Variants in ABHD17C observed in about 807,000 individuals in gnomAD.
ABHD17C encodes the protein alpha/beta hydrolase domain-containing protein 17C.
Under a neutral mutation model 27.9 loss-of-function variants are expected in ABHD17C, and 11 were observed. That is an observed-to-expected ratio of 0.39 (90% CI 0.25 to 0.65). The LOEUF (loss-of-function observed/expected upper bound fraction) is 0.65. Ranked by LOEUF, ABHD17C falls within the 30% of genes least tolerant of loss-of-function variation. ABHD17C has a pLI of 0.45. For synonymous variants in ABHD17C, 233 were observed against 209.1 expected (o/e 1.11, Z -0.98); for missense variants, 280 against 470.2 (o/e 0.60, Z 3.74).
chr15:80,716,188 T>C (rs1211455941), intron 1 of ABHD17C, among the ~76,000 whole-genome samples: 1 of 152,214 alleles, frequency 6.6e-6, no homozygotes, highest in Admixed American at 6.5e-5. Flanking sequence ...TTCTTTTATC[T>C]TCCAAGAGCA....
intron 1 of ABHD17C, among the ~76,000 whole-genome samples, chr15:80,697,312 A>T (rs780245776): frequency 3.3e-5 from 5 of 152,236 alleles, no homozygotes; most frequent in Non-Finnish European, 7.3e-5. Context: ...ATTGGGTCAG[A>T]GTCTGTAAGT....
chr15:80,721,603 A>G (rs896033740), intron 1 of ABHD17C, among the ~76,000 whole-genome samples: 24 of 152,234 alleles, frequency 1.6e-4, no homozygotes, highest in African/African-American at 5.5e-4. Flanking sequence ...CGTCATTGTC[A>G]TCGTCATCAC....
chr15:80,730,108 CA>C (rs34002725), intron 1 of ABHD17C, among the ~76,000 whole-genome samples: 32,848 of 144,758 alleles, frequency 0.23, 4,034 homozygotes, highest in South Asian at 0.32. Flanking sequence ...GACTCCATCT[CA>C]AAAAAAAAAA....
intron 1 of ABHD17C, among the ~76,000 whole-genome samples, chr15:80,723,086 C>A (rs2627308): frequency 0.33 from 50,215 of 151,648 alleles, 10,220 homozygotes; most frequent in Non-Finnish European, 0.47. Context: ...GGAACCAGTC[C>A]CCCAAGGATA....
At chr15:80,717,227 G>C (rs1388102378) in intron 1 of ABHD17C, among the ~76,000 whole-genome samples, 2 of 144,234 alleles carry the variant, frequency 1.4e-5, no homozygotes, top group Non-Finnish European at 3.0e-5. Context: ...CACTCTATCA[G>C]CCAGAGGCCA....
intron 1 of ABHD17C, among the ~76,000 whole-genome samples, chr15:80,710,593 G>A (rs1484611149): frequency 6.6e-6 from 1 of 152,192 alleles, no homozygotes; most frequent in Non-Finnish European, 1.5e-5. Flanking sequence ...GATTTTGGAT[G>A]TATTTGAAAG....
At chr15:80,752,183 C>A (rs1895374324) in intron 2 of ABHD17C, among the ~76,000 whole-genome samples, 1 of 152,160 alleles carries the variant, frequency 6.6e-6, no homozygotes, top group Non-Finnish European at 1.5e-5. Flanking sequence ...GAGTAAATAT[C>A]TTTTTAATTG....
chr15:80,730,464 A>G (rs1243342680), intron 1 of ABHD17C, among the ~76,000 whole-genome samples: 2 of 152,238 alleles, frequency 1.3e-5, no homozygotes, highest in African/African-American at 2.4e-5. Context: ...TTGCAATGAC[A>G]AAACAGTTTT....
At chr15:80,749,424 AT>A in intron 1 of ABHD17C, 88 bp from the exon 2 acceptor site, 1 of 1,374,164 alleles carries the variant, frequency 7.3e-7, no homozygotes, top group Non-Finnish European at 1.0e-6. Flanking sequence ...GGATGTGGGA[AT>A]TTTATGGGTT....
intron 1 of ABHD17C, among the ~76,000 whole-genome samples, chr15:80,723,136 A>G (rs202141389): frequency 4.3e-4 from 40 of 92,428 alleles, no homozygotes; most frequent in Non-Finnish European, 9.9e-4. Context: ...GTGTGTGTAT[A>G]TATGTGTGTG....
chr15:80,748,965 G>C (rs958325895), intron 1 of ABHD17C, among the ~76,000 whole-genome samples: 3 of 151,998 alleles, frequency 2.0e-5, no homozygotes, highest in Non-Finnish European at 2.9e-5. Context: ...CCCACTGATG[G>C]ATTGAAAGAC....
At chr15:80,749,380 G>A (rs1895337096) in intron 1 of ABHD17C, 133 bp from the exon 2 acceptor site, 1 of 850,544 alleles carries the variant, frequency 1.2e-6, no homozygotes, top group Admixed American at 3.2e-5. Context: ...TTAAACTAAA[G>A]TGTACAAGTT....
At chr15:80,732,919 C>T (rs972898235) in intron 1 of ABHD17C, among the ~76,000 whole-genome samples, 2 of 152,146 alleles carry the variant, frequency 1.3e-5, no homozygotes, top group Non-Finnish European at 2.9e-5. Context: ...TCCACTTAGG[C>T]CTCGCTGTTT....
At chr15:80,744,978 A>G (rs1234480704) in intron 1 of ABHD17C, among the ~76,000 whole-genome samples, 1 of 152,190 alleles carries the variant, frequency 6.6e-6, no homozygotes, top group Non-Finnish European at 1.5e-5. Flanking sequence ...TTTTAGCACA[A>G]AATCTACCAT....
At chr15:80,700,032 C>A (rs1894549953) in intron 1 of ABHD17C, among the ~76,000 whole-genome samples, 1 of 152,154 alleles carries the variant, frequency 6.6e-6, no homozygotes, top group African/African-American at 2.4e-5. Context: ...ATCAGGGTCA[C>A]CTTATTGGAG....
chr15:80,754,172 C>G lies in ABHD17C; in HGVS notation c.792C>G (p.Val264=). Reference sequence around the variant, plus strand: ...GCAGCATTGACAAGATATCTAAAGTCACCTCTCCTGTGTTGGTCATTCATG... The same window carrying G: ...GCAGCATTGACAAGATATCTAAAGTGACCTCTCCTGTGTTGGTCATTCATG... The part of the protein sequence containing the change: ...AFPSIDKISK[V]TSPVLVIHGT... The change falls in exon 3 of 3, where the codon GTC becomes GTG. Residue 264 remains valine, a synonymous_variant. Transcript: ENST00000258884. 6.2e-7 allele frequency: 1 copy of G among 1,613,832 alleles called. No homozygotes were observed. The highest frequency in any genetic ancestry group is 8.5e-7 in the Non-Finnish European group (1 of 1,179,846).
chr15:80,746,680 C>G (rs1214511345), intron 1 of ABHD17C, among the ~76,000 whole-genome samples: 1 of 152,210 alleles, frequency 6.6e-6, no homozygotes, highest in African/African-American at 2.4e-5. Context: ...CTGAGGATGG[C>G]TGGTCCAGGA....
intron 2 of ABHD17C, among the ~76,000 whole-genome samples, chr15:80,752,916 T>C (rs1895383464): frequency 6.6e-6 from 1 of 152,228 alleles, no homozygotes; most frequent in Non-Finnish European, 1.5e-5. Context: ...CAAATATTCA[T>C]CCTTTGAGAG....
intron 1 of ABHD17C, among the ~76,000 whole-genome samples, chr15:80,706,952 C>T (rs566621944): frequency 4.0e-4 from 61 of 152,164 alleles, no homozygotes; most frequent in African/African-American, 1.3e-3. Context: ...AAGGACAATT[C>T]GCATGCTAAT....
Sources: gnomAD v4.1 joint callset for allele counts (sites outside exome capture counted in the v4.1 genomes callset) on GRCh38, gnomAD v4.1.1 for gene constraint, MANE v1.5 for transcripts, NCBI Gene and HGNC (gene_info 2026-07-23, HGNC 2026-07-21) for gene names.